The following ADGRB3 variants were observed in gnomAD, a reference collection of about 807,000 sequenced individuals.
ADGRB3 encodes the protein brain-specific angiogenesis inhibitor 3.
A neutral mutation model predicts 193.4 loss-of-function variants in ADGRB3; 37 were observed. The ratio of observed to expected loss-of-function variants is 0.19; its 90% CI spans 0.15 to 0.25. The LOEUF (loss-of-function observed/expected upper bound fraction) is 0.25, where lower values mean the gene tolerates loss of function less well. Ranked by LOEUF, ADGRB3 falls within the 10% of genes least tolerant of loss-of-function variation. The pLI is 1.00. For missense variants in ADGRB3, 1,637 were observed against 1,852.9 expected (o/e 0.88, Z 2.14); for synonymous variants, 690 against 644.2 (o/e 1.07, Z -1.08).
intron 20 of ADGRB3, among the ~76,000 whole-genome samples, chr6:69,289,959 G>T (rs929876366): frequency 6.6e-6 from 1 of 151,974 alleles, no homozygotes; most frequent in Non-Finnish European, 1.5e-5. Flanking sequence ...GAGGAAAGGA[G>T]GATTGGATAC....
intron 11 of ADGRB3, among the ~76,000 whole-genome samples, chr6:69,004,624 T>C (rs1171759958): frequency 2.8e-5 from 4 of 142,614 alleles, no homozygotes; most frequent in Non-Finnish European, 6.1e-5. Context: ...CCAAGTGTTC[T>C]CATTGTTCAG....
intron 3 of ADGRB3, among the ~76,000 whole-genome samples, chr6:68,900,432 G>A (rs1245152817): frequency 6.6e-6 from 1 of 152,102 alleles, no homozygotes; most frequent in Non-Finnish European, 1.5e-5. Context: ...AAGGAGGCCT[G>A]GGGAAAAGAT....
At chr6:69,288,675 T>C (rs1767603048) in intron 20 of ADGRB3, among the ~76,000 whole-genome samples, 1 of 152,194 alleles carries the variant, frequency 6.6e-6, no homozygotes, top group African/African-American at 2.4e-5. Context: ...AAGGGAGTTA[T>C]TAGCTTCAAC....
chr6:68,711,501 C>T (rs1765408396), intron 3 of ADGRB3, among the ~76,000 whole-genome samples: 1 of 152,038 alleles, frequency 6.6e-6, no homozygotes, highest in African/African-American at 2.4e-5. Context: ...GCTAGGTTTG[C>T]TTTCTAGTAT....
At chr6:68,973,004 G>T (rs940148860) in intron 8 of ADGRB3, among the ~76,000 whole-genome samples, 2 of 152,194 alleles carry the variant, frequency 1.3e-5, no homozygotes, top group Non-Finnish European at 2.9e-5. Context: ...GCTGGTGAAG[G>T]TTGAATTAAC....
chr6:68,945,598 T>C (rs1484817071), intron 6 of ADGRB3, among the ~76,000 whole-genome samples: 1 of 152,126 alleles, frequency 6.6e-6, no homozygotes, highest in Non-Finnish European at 1.5e-5. Flanking sequence ...ATAGACAATA[T>C]GGAGAAATAA....
At chr6:69,086,447 A>C (rs927564655) in intron 17 of ADGRB3, among the ~76,000 whole-genome samples, 1 of 152,108 alleles carries the variant, frequency 6.6e-6, no homozygotes, top group Non-Finnish European at 1.5e-5. Flanking sequence ...AGTAGTCCGA[A>C]ATGTGATGTA....
At chr6:69,231,131 A>G (rs1430108075) in intron 17 of ADGRB3, among the ~76,000 whole-genome samples, 1 of 152,202 alleles carries the variant, frequency 6.6e-6, no homozygotes, top group Non-Finnish European at 1.5e-5. Context: ...GCACAAAGTA[A>G]AGTAAATGGA....
At chr6:69,113,439 T>C (rs536358586) in intron 17 of ADGRB3, among the ~76,000 whole-genome samples, 1 of 152,116 alleles carries the variant, frequency 6.6e-6, no homozygotes, top group Non-Finnish European at 1.5e-5. Context: ...TTAATTTTTA[T>C]GTATTTTTAC....
In ADGRB3 at chr6:69,247,573, C is replaced by T. The variant is rs184505606; in HGVS notation, c.2814+8347C>T. The stretch of plus-strand genomic sequence containing the variant: ...GTGGACTTATGAAACCATTTTAGCT[C>T]CTACAACACTCCTTTCTGCTTTCAT... On this transcript the variant is annotated intron_variant, in intron 20 of 31. Transcript: ENST00000370598. 1.5e-3 allele frequency among the ~76,000 whole-genome samples: 225 copies of T among 152,276 alleles called. 1 individual carries two copies. Among genetic ancestry groups the T allele is most frequent in the Non-Finnish European group, 2.7e-3 (181 of 68,032 alleles).
chr6:69,049,216 T>C (rs1042521048), intron 14 of ADGRB3, 55 bp from the exon 15 acceptor site: 8 of 1,303,854 alleles, frequency 6.1e-6, no homozygotes, highest in Non-Finnish European at 7.6e-6. Context: ...TAAAGTTTTA[T>C]AAGACATAGT....
rs182008973 is a variant in ADGRB3 at position 69,027,810 on chromosome 6, G to T, written c.2107+9311G>T. The stretch of plus-strand genomic sequence containing the variant: ...ATCTGAAAGAGCTTACCAGTAGGTA[G>T]AAATAGAGTGTGGAAGAAGGAGAGC... On this transcript the variant is annotated intron_variant, in intron 13 of 31. Transcript: ENST00000370598. Among the ~76,000 whole-genome samples the T allele has an allele frequency of 4.1e-4, 63 of 152,278 alleles. 1 individual carries two copies. The highest frequency in any genetic ancestry group is 6.8e-3 in the Middle Eastern group (2 of 294).
In ADGRB3 at chr6:68,956,336, T is replaced by C. The variant is rs1011528567; in HGVS notation, c.1360+148T>C. The C allele has an allele frequency of 5.4e-6, 5 of 918,370 alleles. No individual in the cohort carries two copies. The African/African-American group carries it at 6.7e-5, about 12-fold the overall frequency. The allele number at this position is 918,370 out of a possible 1,614,324, so 56.9% of individuals were successfully genotyped here. A position where few individuals can be genotyped will look rare whatever the true frequency, so the allele number is the denominator to read the frequency against. On this transcript the variant is annotated intron_variant, in intron 7 of 31. Coordinates refer to ENST00000370598, the MANE Select transcript of ADGRB3 (RefSeq NM_001704.3). ...GTGTGTGTGTGTGTGTGTATACATG[T>C]ATTTATTAATGAAGCCGATTATACC...
At chr6:69,199,776 G>A (rs560055702) in intron 17 of ADGRB3, among the ~76,000 whole-genome samples, 3 of 152,182 alleles carry the variant, frequency 2.0e-5, no homozygotes, top group African/African-American at 7.2e-5. Context: ...TTATGGATGA[G>A]CATTTAGAAA....
At chr6:69,372,537 G>T in intron 30 of ADGRB3, 96 bp downstream of exon 30, 2 of 514,056 alleles carry the variant, frequency 3.9e-6, no homozygotes, top group South Asian at 4.4e-5. Context: ...GCCATGTAAG[G>T]GTATTATGTA....
intron 8 of ADGRB3, among the ~76,000 whole-genome samples, chr6:68,961,693 A>G (rs3798969): frequency 0.64 from 96,500 of 151,944 alleles, 30,791 homozygotes; most frequent in Middle Eastern, 0.77. Context: ...CATAAAATTT[A>G]CATTTCTTTT....
At position 69,286,399 on chromosome 6, in the gene ADGRB3, T is replaced by C. The variant is rs140393261; in HGVS notation, c.2815-38473T>C. 3.6e-4 allele frequency among the ~76,000 whole-genome samples: 55 copies of C among 152,282 alleles called. 2 individuals are homozygous for C. Among genetic ancestry groups the C allele is most frequent in the African/African-American group, 1.2e-3 (51 of 41,560 alleles). ...TCCTGGGCCCTCTTGCTTTCTACTT[T>C]CAACTGTTCATGTCTGACAGCAGTG... On this transcript the variant is annotated intron_variant, in intron 20 of 31. Coordinates refer to ENST00000370598, the MANE Select transcript of ADGRB3 (RefSeq NM_001704.3).
At chr6:68,996,637 CTG>C (rs953146508) in intron 11 of ADGRB3, among the ~76,000 whole-genome samples, 55 of 152,290 alleles carry the variant, frequency 3.6e-4, no homozygotes, top group African/African-American at 1.3e-3. Context: ...TTTGCTTCCT[CTG>C]TGTTTTCAGA....
chr6:69,330,871 T>C (rs1221864878), intron 23 of ADGRB3, among the ~76,000 whole-genome samples: 1 of 152,222 alleles, frequency 6.6e-6, no homozygotes, highest in African/African-American at 2.4e-5. Flanking sequence ...GTATAGAATC[T>C]CATCATTTAC....
Sources: gnomAD v4.1 joint callset for allele counts (sites outside exome capture counted in the v4.1 genomes callset) on GRCh38, gnomAD v4.1.1 for gene constraint, MANE v1.5 for transcripts, NCBI Gene and HGNC (gene_info 2026-07-23, HGNC 2026-07-21) for gene names.